Variants in VPS13A observed in about 807,000 individuals in gnomAD.
The protein encoded by VPS13A is vacuolar protein sorting 13 homolog A, also known as intermembrane lipid transfer protein VPS13A.
In VPS13A, 264 loss-of-function variants were observed where a neutral mutation model predicts 390.9. The ratio of observed to expected loss-of-function variants is 0.68; its 90% CI spans 0.61 to 0.75. The LOEUF is 0.75. VPS13A is among the 30% of genes least tolerant of loss of function. The probability of loss-of-function intolerance (pLI) is 0.00; values close to 1 mark genes in which losing one functional copy is unlikely to be tolerated. For missense variants in VPS13A, 3,409 were observed against 3,733.9 expected, an observed-to-expected ratio of 0.91 and a Z score of 2.27; for synonymous variants, 1,231 against 1,227.1, an observed-to-expected ratio of 1.00 and a Z score of -0.07.
intron 45 of VPS13A, among the ~76,000 whole-genome samples, chr9:77,326,870 C>T (rs72746008): frequency 0.077 from 11,755 of 152,174 alleles, 568 homozygotes; most frequent in East Asian, 0.12. Context: ...TACACATGTC[C>T]TGATCATTAC....
At chr9:77,414,338 C>T (rs2131672986) in intron 71 of VPS13A, among the ~76,000 whole-genome samples, 1 of 152,230 alleles carries the variant, frequency 6.6e-6, no homozygotes, top group Non-Finnish European at 1.5e-5. Context: ...TGGAACCAAC[C>T]CAAATGTCCA....
intron 71 of VPS13A, among the ~76,000 whole-genome samples, chr9:77,412,807 T>C (rs1261329797): frequency 6.6e-6 from 1 of 152,174 alleles, no homozygotes; most frequent in Non-Finnish European, 1.5e-5. Context: ...GAAAGTCAAA[T>C]TGTCCCTGTT....
intron 1 of VPS13A, among the ~76,000 whole-genome samples, chr9:77,190,188 A>G (rs1824589725): frequency 6.6e-6 from 1 of 152,106 alleles, no homozygotes; most frequent in South Asian, 2.1e-4. Flanking sequence ...CAAGGGGAAT[A>G]CTTCCAGATT....
chr9:77,229,324 G>A (rs1030539968), intron 17 of VPS13A, among the ~76,000 whole-genome samples: 3 of 152,024 alleles, frequency 2.0e-5, no homozygotes, highest in Admixed American at 6.6e-5. Context: ...AAAGCAGTTC[G>A]CCAGCCTCAG....
intron 68 of VPS13A, among the ~76,000 whole-genome samples, chr9:77,393,254 C>T (rs1833973929): frequency 6.6e-6 from 1 of 152,210 alleles, no homozygotes; most frequent in African/African-American, 2.4e-5. Context: ...AATTCAGTTA[C>T]CTCTTCATGC....
chr9:77,316,788 T>C (rs1183939045), intron 39 of VPS13A, among the ~76,000 whole-genome samples: 4 of 152,068 alleles, frequency 2.6e-5, no homozygotes, highest in Non-Finnish European at 5.9e-5. Context: ...CCCGTTTGGA[T>C]GTTTTTGCTC....
chr9:77,268,244 A>G (rs148581249), intron 23 of VPS13A, among the ~76,000 whole-genome samples: 213 of 152,312 alleles, frequency 1.4e-3, no homozygotes, highest in Middle Eastern at 6.8e-3. Flanking sequence ...ATGGTTGCCC[A>G]GTTTTGTTCT....
At chr9:77,346,983 T>C (rs980113470) in intron 52 of VPS13A, among the ~76,000 whole-genome samples, 2 of 152,224 alleles carry the variant, frequency 1.3e-5, no homozygotes, top group African/African-American at 4.8e-5. Context: ...TTGTTGAAGA[T>C]AATTGGCTGT....
intron 31 of VPS13A, among the ~76,000 whole-genome samples, chr9:77,290,573 C>T (rs932706681): frequency 6.6e-6 from 1 of 151,744 alleles, no homozygotes; most frequent in African/African-American, 2.4e-5. Flanking sequence ...GAAATTCTTG[C>T]TGGATTTCTG....
intron 15 of VPS13A, among the ~76,000 whole-genome samples, chr9:77,227,151 T>C (rs988126985): frequency 6.6e-6 from 1 of 152,306 alleles, no homozygotes; most frequent in East Asian, 1.9e-4. Context: ...GTTAGCCGTT[T>C]TTGAGCTCTT....
At chr9:77,268,241 C>T (rs1424677385) in intron 23 of VPS13A, among the ~76,000 whole-genome samples, 1 of 152,202 alleles carries the variant, frequency 6.6e-6, no homozygotes, top group African/African-American at 2.4e-5. Flanking sequence ...CAAATGGTTG[C>T]CCAGTTTTGT....
chr9:77,190,751 C>T (rs569159779), intron 1 of VPS13A, among the ~76,000 whole-genome samples: 2 of 152,228 alleles, frequency 1.3e-5, no homozygotes, highest in South Asian at 4.1e-4. Context: ...AATTTCAGAA[C>T]TCATTATTGC....
intron 68 of VPS13A, among the ~76,000 whole-genome samples, chr9:77,398,209 A>G (rs368862326): frequency 9.9e-5 from 15 of 152,234 alleles, no homozygotes; most frequent in African/African-American, 3.6e-4. Flanking sequence ...AACTATCAGT[A>G]TCCAGGGATA....
chr9:77,408,814 G>A (rs1455788277), intron 71 of VPS13A, among the ~76,000 whole-genome samples: 1 of 152,190 alleles, frequency 6.6e-6, no homozygotes, highest in African/African-American at 2.4e-5. Flanking sequence ...GAACTGGGTG[G>A]AGCCCACCAC....
intron 19 of VPS13A, among the ~76,000 whole-genome samples, chr9:77,238,771 C>T (rs1460325021): frequency 2.6e-5 from 4 of 152,090 alleles, no homozygotes; most frequent in South Asian, 2.1e-4. Context: ...AGGTCGGGTA[C>T]GATTTCTTCC....
chr9:77,339,778 C>T lies in VPS13A; in HGVS notation c.6641C>T (p.Pro2214Leu). ...TGQTVVAFHSPYWMVNKTGRM... is the reference protein window; with the variant it reads ...TGQTVVAFHSLYWMVNKTGRM... ...CAGACAGTTGTGGCATTTCATAGTCCTTATTGGATGGTCAATAAAACTGGC... is the reference window on the plus strand; with the variant it reads ...CAGACAGTTGTGGCATTTCATAGTCTTTATTGGATGGTCAATAAAACTGGC... Residue 2214 changes from proline to leucine, a missense_variant, in exon 48 of 72, where the codon CCT (proline) becomes CTT (leucine). This residue lies in a region of VPS13A where 2,717 missense variants were observed against 2,917.4 expected (regional missense o/e 0.93). Transcript: ENST00000360280. 1 of 1,614,032 alleles carries T rather than the reference C, an allele frequency of 6.2e-7. No individual in the cohort carries two copies. The highest frequency in any genetic ancestry group is 8.5e-7 in the Non-Finnish European group (1 of 1,179,984).
chr9:77,357,735 C>G lies in VPS13A; in HGVS notation c.7850C>G (p.Pro2617Arg). The change falls in exon 56 of 72, where the codon CCG (proline) becomes CGG (arginine). Residue 2617 changes from proline (P) to arginine (R), a missense_variant. Around this residue, in one of 5 missense-constraint regions of VPS13A, gnomAD observed 221 missense variants for 300.7 expected, o/e 0.73. Transcript: ENST00000360280. ...PTGHNMKILQ[P>R]HVIALRRNYL... ...GGTCATAACATGAAAATTCTGCAGC[C>G]GCATGTAATAGCTCTACGAAGAAAT... The G allele has an allele frequency of 6.2e-7, 1 of 1,613,736 alleles. No individual in the cohort carries two copies. The highest frequency in any genetic ancestry group is 8.5e-7 in the Non-Finnish European group (1 of 1,179,956).
chr9:77,249,974 T>C, intron 20 of VPS13A, 123 bp from the exon 21 acceptor site: 2 of 1,072,118 alleles, frequency 1.9e-6, no homozygotes, highest in Non-Finnish European at 2.7e-6. Context: ...ATAGCCTTAT[T>C]ATGTATGCTT....
At chr9:77,387,673 A>G (rs1480155632) in intron 68 of VPS13A, among the ~76,000 whole-genome samples, 1 of 152,228 alleles carries the variant, frequency 6.6e-6, no homozygotes, top group Non-Finnish European at 1.5e-5. Flanking sequence ...TAAATTCAGA[A>G]TAATATTGCC....
Sources: allele counts gnomAD v4.1 joint callset (sites outside exome capture counted in the v4.1 genomes callset), GRCh38; gene constraint gnomAD v4.1.1; regional missense constraint gnomAD v4.1.1; transcripts MANE v1.5; gene names NCBI Gene and HGNC (gene_info 2026-07-23, HGNC 2026-07-21).